Variants in LRRK2 observed in about 807,000 individuals in gnomAD.
The protein encoded by LRRK2 is leucine rich repeat kinase 2.
A neutral mutation model predicts 302.6 loss-of-function variants in LRRK2; 203 were observed. That is an observed-to-expected ratio of 0.67 (90% CI 0.60 to 0.75). The LOEUF (loss-of-function observed/expected upper bound fraction) is 0.75. Among genes scored for constraint, LRRK2 ranks in the 30% least tolerant of loss-of-function variants. The probability of loss-of-function intolerance (pLI) is 0.00; values close to 1 mark genes in which losing one functional copy is unlikely to be tolerated. For synonymous variants in LRRK2, 1,066 were observed against 1,031.9 expected, an observed-to-expected ratio of 1.03 and a Z score of -0.63; for missense variants, 2,830 against 2,951.0, an observed-to-expected ratio of 0.96 and a Z score of 0.95.
At chr12:40,338,718 T>C (rs1945948552) in intron 40 of LRRK2, among the ~76,000 whole-genome samples, 1 of 152,232 alleles carries the variant, frequency 6.6e-6, no homozygotes, top group South Asian at 2.1e-4. Flanking sequence ...CTATTTCTTT[T>C]TAGCCTTTGG....
chr12:40,350,014 C>T (rs1415696475), intron 43 of LRRK2, among the ~76,000 whole-genome samples: 1 of 152,154 alleles, frequency 6.6e-6, no homozygotes, highest in Non-Finnish European at 1.5e-5. Context: ...ATTGTATTGA[C>T]AACAAGCTTG....
At position 40,303,993 on chromosome 12, in the gene LRRK2, A is replaced by G. The variant is rs200643098; in HGVS notation, c.3636A>G (p.Pro1212=). 3.4e-5 allele frequency: 55 copies of G among 1,613,662 alleles called. No individual in the cohort carries two copies. Among genetic ancestry groups the G allele is most frequent in the Non-Finnish European group, 4.5e-5 (53 of 1,179,766 alleles). The change falls in exon 27 of 51, where the codon CCA becomes CCG. Residue 1212 remains proline (P), a synonymous_variant. Coordinates refer to ENST00000298910, the MANE Select transcript of LRRK2 (RefSeq NM_198578.4). The part of the protein sequence containing the change: ...DMSSNDIQYL[P]GPAHWKSLNL... ...GCAGCAATGATATTCAGTACCTACC[A>G]GGTCCCGCACACTGGAAATCTTTGA...
At chr12:40,283,396 T>C (rs1444184429) in intron 18 of LRRK2, among the ~76,000 whole-genome samples, 1 of 152,222 alleles carries the variant, frequency 6.6e-6, no homozygotes, top group African/African-American at 2.4e-5. Context: ...ACACGAGTAA[T>C]GACTGTCGTT....
chr12:40,361,207 T>A (rs1035262417), intron 47 of LRRK2, among the ~76,000 whole-genome samples: 6 of 146,420 alleles, frequency 4.1e-5, no homozygotes, highest in Non-Finnish European at 7.5e-5. Flanking sequence ...CAGTGTATTA[T>A]AAGTTCCCAT....
At chr12:40,355,490 T>C (rs1946497960) in intron 45 of LRRK2, among the ~76,000 whole-genome samples, 1 of 144,018 alleles carries the variant, frequency 6.9e-6, no homozygotes, top group South Asian at 2.3e-4. Flanking sequence ...ACTGGGGAAT[T>C]CCTTCCTTCC....
At chr12:40,356,861 G>A (rs1368611238) in intron 46 of LRRK2, among the ~76,000 whole-genome samples, 1 of 152,138 alleles carries the variant, frequency 6.6e-6, no homozygotes, top group Non-Finnish European at 1.5e-5. Context: ...CATGTGATAT[G>A]TTGTTACATG....
At position 40,225,619 on chromosome 12, in the gene LRRK2, G is replaced by A. The variant is rs1209153628; in HGVS notation, c.216G>A (p.Met72Ile). 2 of 1,613,824 alleles carry A rather than the reference G, an allele frequency of 1.2e-6. No homozygotes were observed. The highest frequency in any genetic ancestry group is 2.7e-5 in the African/African-American group (2 of 74,908). Reference sequence around the variant, plus strand: ...TGTTGATCGTCTTGGACTCCTATATGAGAGTCGCGAGTGTGCAGCAGGTAA... The same window carrying A: ...TGTTGATCGTCTTGGACTCCTATATAAGAGTCGCGAGTGTGCAGCAGGTAA... ...VPLLIVLDSYMRVASVQQVGW... is the reference protein window; with the variant it reads ...VPLLIVLDSYIRVASVQQVGW... The change falls in exon 2 of 51, where the codon ATG (methionine) becomes ATA (isoleucine). Residue 72 changes from methionine (M) to isoleucine (I), a missense_variant. Coordinates refer to ENST00000298910, the MANE Select transcript of LRRK2 (RefSeq NM_198578.4).
intron 19 of LRRK2, 76 bp from the exon 20 acceptor site, chr12:40,287,275 A>G: frequency 7.7e-7 from 1 of 1,300,616 alleles, no homozygotes; most frequent in Non-Finnish European, 1.1e-6. Flanking sequence ...GCAATACGTA[A>G]GAACTTTGGT....
rs759685441 is a variant in LRRK2 at position 40,320,022 on chromosome 12, A to T, written c.4862A>T (p.His1621Leu). The change falls in exon 34 of 51, where the codon CAC becomes CTC. Residue 1621 changes from histidine to leucine, a missense_variant. Physicochemically the swap from His to Leu is moderately conservative, Grantham distance 99. Transcript: ENST00000298910. Reference sequence around the variant, plus strand: ...GTGAAAGTGGAAGGTTGTCCAAAACACCCTAAGGGCATTATTTCGCGTAGA... The same window carrying T: ...GTGAAAGTGGAAGGTTGTCCAAAACTCCCTAAGGGCATTATTTCGCGTAGA... ...LTVKVEGCPKHPKGIISRRDV... is the reference protein window; with the variant it reads ...LTVKVEGCPKLPKGIISRRDV... 6.8e-6 allele frequency: 11 copies of T among 1,610,758 alleles called. No homozygotes were observed. The highest frequency in any genetic ancestry group is 8.5e-7 in the Non-Finnish European group (1 of 1,178,308).
rs182807784 is a variant in LRRK2 at position 40,322,912 on chromosome 12, C to T, written c.5510-248C>T. On this transcript the variant is annotated intron_variant, in intron 37 of 50. Coordinates refer to ENST00000298910, the MANE Select transcript of LRRK2 (RefSeq NM_198578.4). ...AGTAGATAACTTTCTAGTCAGATGT[C>T]TGGTAGTCTGCAGCAGTTCAGAATT... is the stretch of plus-strand genomic sequence containing the variant. Among the ~76,000 whole-genome samples, 13 of 152,182 alleles carry T rather than the reference C, an allele frequency of 8.5e-5. No individual in the cohort carries two copies. The East Asian group carries it at 2.5e-3, about 29-fold the overall frequency.
chr12:40,335,444 AGTT>A (rs1247888951), intron 40 of LRRK2, among the ~76,000 whole-genome samples: 1 of 152,200 alleles, frequency 6.6e-6, no homozygotes, highest in Non-Finnish European at 1.5e-5. Flanking sequence ...AAAATGTATA[AGTT>A]AGGCTTCACA....
intron 7 of LRRK2, among the ~76,000 whole-genome samples, chr12:40,247,932 T>A (rs74076186): frequency 0.015 from 2,340 of 151,920 alleles, 67 homozygotes; most frequent in African/African-American, 0.054. Context: ...TTATTCAAGA[T>A]TATGTAAGCA....
intron 2 of LRRK2, among the ~76,000 whole-genome samples, chr12:40,230,374 C>T (rs1941119814): frequency 6.6e-6 from 1 of 152,114 alleles, no homozygotes. Context: ...AGATTTCTCA[C>T]CTTGTCATTC....
At chr12:40,240,462 A>G (rs1044922534) in intron 5 of LRRK2, 21 bp from the exon 6 acceptor site, 3 of 1,605,744 alleles carry the variant, frequency 1.9e-6, no homozygotes, top group African/African-American at 2.7e-5. Context: ...CTTATTCAGT[A>G]TTTTGTCTTT....
rs559826312 is a variant in LRRK2 at position 40,302,680 on chromosome 12, A to G, written c.3497-109A>G. On this transcript the variant is annotated intron_variant, in intron 25 of 50. Transcript: ENST00000298910. Reference sequence around the variant, plus strand: ...GATTTTTAAAAATTGTCAGTGTGAGAATGGAAATCAAATTAAGTGACACAC... The same window carrying G: ...GATTTTTAAAAATTGTCAGTGTGAGGATGGAAATCAAATTAAGTGACACAC... 60 of 807,782 alleles carry G rather than the reference A, an allele frequency of 7.4e-5. 1 individual carries two copies. In the South Asian group the frequency reaches 8.1e-4, roughly 11 times the overall value. 50.0% of individuals were successfully genotyped at this position (807,782 alleles called of 1,614,324 possible). A position where few individuals can be genotyped will look rare whatever the true frequency, so the allele number is the denominator to read the frequency against.
At chr12:40,266,844 C>T (rs998309711) in intron 14 of LRRK2, among the ~76,000 whole-genome samples, 5 of 151,976 alleles carry the variant, frequency 3.3e-5, no homozygotes, top group Non-Finnish European at 7.4e-5. Context: ...GAGTTCATGT[C>T]CTTTGTAGGG....
rs189847162 is a variant in LRRK2 at position 40,280,679 on chromosome 12, G to C, written c.2241+2418G>C. Reference sequence around the variant, plus strand: ...AAATAAAATAATATAATAAGGCTGAGGTGGGAGGATCACTTGAGCCTAGGA... The same window carrying C: ...AAATAAAATAATATAATAAGGCTGACGTGGGAGGATCACTTGAGCCTAGGA... On this transcript the variant is annotated intron_variant, in intron 18 of 50. Coordinates refer to ENST00000298910, the MANE Select transcript of LRRK2 (RefSeq NM_198578.4). 2.7e-4 allele frequency among the ~76,000 whole-genome samples: 34 copies of C among 127,764 alleles called. No individual in the cohort carries two copies. The East Asian group carries it at 6.8e-3, about 26-fold the overall frequency. The allele number at this position is 127,764 out of a possible 152,430, so 83.8% of individuals were successfully genotyped here.
chr12:40,303,739 T>A (rs998034592), intron 26 of LRRK2, among the ~76,000 whole-genome samples: 1 of 152,128 alleles, frequency 6.6e-6, no homozygotes, highest in Non-Finnish European at 1.5e-5. Context: ...CTCCACTTCA[T>A]AAGAGATGAA....
At chr12:40,263,098 A>G (rs968893866) in intron 13 of LRRK2, among the ~76,000 whole-genome samples, 1 of 152,236 alleles carries the variant, frequency 6.6e-6, no homozygotes, top group Non-Finnish European at 1.5e-5. Context: ...AAAGTGGAAG[A>G]TCATAAATGA....
Sources: allele counts gnomAD v4.1 joint callset (sites outside exome capture counted in the v4.1 genomes callset), GRCh38; gene constraint gnomAD v4.1.1; transcripts MANE v1.5; gene names NCBI Gene and HGNC (gene_info 2026-07-23, HGNC 2026-07-21).